The following TLE1 variants were observed in gnomAD, a reference collection of about 807,000 sequenced individuals.
The protein encoded by TLE1 is transducin-like enhancer protein 1.
TLE1 carries 21 observed loss-of-function variants against 89.8 expected under a neutral mutation model. The ratio of observed to expected loss-of-function variants is 0.23; its 90% CI spans 0.17 to 0.34. TLE1 has a LOEUF of 0.34. Among genes scored for constraint, TLE1 ranks in the 10% least tolerant of loss-of-function variants. TLE1 has a pLI of 1.00. For synonymous variants in TLE1, 447 were observed against 407.6 expected, an observed-to-expected ratio of 1.10 and a Z score of -1.16; for missense variants, 795 against 1,031.2, an observed-to-expected ratio of 0.77 and a Z score of 3.14.
intron 4 of TLE1, among the ~76,000 whole-genome samples, chr9:81,666,136 G>A (rs749684284): frequency 1.8e-4 from 27 of 152,118 alleles, no homozygotes; most frequent in Admixed American, 3.9e-4. Flanking sequence ...CTGTTCACAG[G>A]AAATGGTATT....
At chr9:81,591,347 T>C (rs1829466645) in intron 15 of TLE1, among the ~76,000 whole-genome samples, 1 of 152,200 alleles carries the variant, frequency 6.6e-6, no homozygotes, top group African/African-American at 2.4e-5. Context: ...AGAAACCACT[T>C]TTCCAAGCTA....
chr9:81,681,634 C>T (rs1381645131), intron 4 of TLE1, among the ~76,000 whole-genome samples: 8 of 152,240 alleles, frequency 5.3e-5, no homozygotes, highest in African/African-American at 1.7e-4. Context: ...AGAACACAGG[C>T]ACAAAGTGAC....
intron 4 of TLE1, among the ~76,000 whole-genome samples, chr9:81,675,698 G>GTTTGTTTT (rs1554701835): frequency 2.3e-5 from 3 of 129,668 alleles, no homozygotes; most frequent in African/African-American, 9.9e-5. Flanking sequence ...ACTCACACTA[G>GTTTGTTTT]TTTTTTTTTG....
At position 81,672,868 on chromosome 9, in the gene TLE1, A is replaced by G. The variant is rs537459018; in HGVS notation, c.234+12808T>C. Among the ~76,000 whole-genome samples, 186 of 152,296 alleles carry G rather than the reference A, an allele frequency of 1.2e-3. 4 individuals are homozygous for G. In the South Asian group the frequency reaches 0.018, roughly 14 times the overall value. On this transcript the variant is annotated intron_variant, in intron 4 of 19. Coordinates refer to ENST00000376499, the MANE Select transcript of TLE1 (RefSeq NM_005077.5). ...TGTTCTTCCATCCCTTTAAATGAAA[A>G]AACTCAACACAACTTTATTCTTACT...
chr9:81,609,125 C>A (rs989581867), intron 14 of TLE1, among the ~76,000 whole-genome samples: 9 of 151,888 alleles, frequency 5.9e-5, no homozygotes. Flanking sequence ...CCTTCTGTCA[C>A]CCAGGCTGGA....
intron 4 of TLE1, among the ~76,000 whole-genome samples, chr9:81,666,448 T>C (rs1471405353): frequency 6.6e-6 from 1 of 152,072 alleles, no homozygotes; most frequent in African/African-American, 2.4e-5. Context: ...TCATCATCAC[T>C]GGTTGAAGGT....
intron 11 of TLE1, among the ~76,000 whole-genome samples, chr9:81,615,306 G>A (rs1006725733): frequency 7.4e-5 from 11 of 149,396 alleles, no homozygotes; most frequent in Admixed American, 5.3e-4. Flanking sequence ...TCCAGCCTGG[G>A]CAACAGAGTG....
rs531644723 is a variant in TLE1 at position 81,618,861 on chromosome 9, C to A, written c.711+1580G>T. ...CTTAGCTTTGTACCGGACCCTTCTG[C>A]AAATATAAACCTTCACAGGACAGTA... On this transcript the variant is annotated intron_variant, in intron 9 of 19. Transcript: ENST00000376499. 1.7e-4 allele frequency among the ~76,000 whole-genome samples: 26 copies of A among 152,288 alleles called. No homozygotes were observed. In the South Asian group the frequency reaches 5.4e-3, roughly 32 times the overall value.
intron 14 of TLE1, among the ~76,000 whole-genome samples, chr9:81,608,198 C>T (rs1285163991): frequency 6.6e-6 from 1 of 151,762 alleles, no homozygotes; most frequent in Non-Finnish European, 1.5e-5. Flanking sequence ...TGTGTGAAGC[C>T]AGGGCCTCAC....
intron 4 of TLE1, among the ~76,000 whole-genome samples, chr9:81,667,385 C>CAA (rs397893862): frequency 1.2e-4 from 11 of 89,836 alleles, no homozygotes; most frequent in African/African-American, 2.2e-4. Flanking sequence ...CAGACTGTCT[C>CAA]AAAAAAAAAA....
Position 81,617,822 on chromosome 9 carries a change from G to A in TLE1, c.712-1123C>T, listed in dbSNP as rs564037815. 2.4e-4 allele frequency among the ~76,000 whole-genome samples: 36 copies of A among 151,792 alleles called. 1 individual carries two copies. Among genetic ancestry groups the A allele is most frequent in the African/African-American group, 6.8e-4 (28 of 41,348 alleles). ...AGGTGGATCACGAGGTCAGGAGCTCGAGACCAGCCTGGACAACATGGTGAA... is the reference window on the plus strand; with the variant it reads ...AGGTGGATCACGAGGTCAGGAGCTCAAGACCAGCCTGGACAACATGGTGAA... On this transcript the variant is annotated intron_variant, in intron 9 of 19. Coordinates refer to ENST00000376499, the MANE Select transcript of TLE1 (RefSeq NM_005077.5).
At chr9:81,628,837 T>C (rs912238428) in intron 8 of TLE1, among the ~76,000 whole-genome samples, 2 of 152,126 alleles carry the variant, frequency 1.3e-5, no homozygotes, top group African/African-American at 4.8e-5. Context: ...GAAAGACAGA[T>C]GAGTGGTGCT....
At chr9:81,641,451 A>G (rs1000889371) in intron 6 of TLE1, among the ~76,000 whole-genome samples, 3 of 152,126 alleles carry the variant, frequency 2.0e-5, no homozygotes, top group Admixed American at 6.6e-5. Context: ...ATAACAATCC[A>G]CTAAAGGCCC....
chr9:81,649,587 TATTTC>T (rs991957835), intron 6 of TLE1, among the ~76,000 whole-genome samples: 4 of 152,344 alleles, frequency 2.6e-5, no homozygotes, highest in African/African-American at 9.6e-5. Context: ...GTTAAATTAC[TATTTC>T]TTTTCTTAGC....
intron 8 of TLE1, among the ~76,000 whole-genome samples, chr9:81,622,678 G>C (rs1825421414): frequency 1.3e-5 from 2 of 152,328 alleles, no homozygotes; most frequent in South Asian, 4.1e-4. Flanking sequence ...GAAAAGCTCT[G>C]AAAGTTCCTC....
At chr9:81,613,564 A>G (rs1823996635) in intron 11 of TLE1, 43 bp from the exon 12 acceptor site, 1 of 1,605,560 alleles carries the variant, frequency 6.2e-7, no homozygotes, top group Non-Finnish European at 8.5e-7. Context: ...TTTTTAATCC[A>G]AGCCATATTA....
chr9:81,638,999 C>G (rs914931415), intron 6 of TLE1, among the ~76,000 whole-genome samples: 1 of 152,162 alleles, frequency 6.6e-6, no homozygotes, highest in Non-Finnish European at 1.5e-5. Flanking sequence ...TCATGGCTCA[C>G]TGCAGCTCAA....
chr9:81,619,919 T>C (rs1214444538), intron 9 of TLE1, among the ~76,000 whole-genome samples: 2 of 152,202 alleles, frequency 1.3e-5, no homozygotes, highest in Non-Finnish European at 2.9e-5. Context: ...GAATGCTCAC[T>C]ATGGAAGACA....
chr9:81,672,717 C>G (rs1306561910), intron 4 of TLE1, among the ~76,000 whole-genome samples: 2 of 152,056 alleles, frequency 1.3e-5, no homozygotes, highest in African/African-American at 4.8e-5. Flanking sequence ...CCCTCTAATT[C>G]CATACCCTGC....
Sources: gnomAD v4.1 joint callset for allele counts (sites outside exome capture counted in the v4.1 genomes callset) on GRCh38, gnomAD v4.1.1 for gene constraint, MANE v1.5 for transcripts, NCBI Gene and HGNC (gene_info 2026-07-23, HGNC 2026-07-21) for gene names.